The following MYO18B variants were observed in gnomAD, a reference collection of about 807,000 sequenced individuals.
MYO18B encodes unconventional myosin-XVIIIb.
A neutral mutation model predicts 273.0 loss-of-function variants in MYO18B; 204 were observed. The ratio of observed to expected loss-of-function variants is 0.75; its 90% CI spans 0.67 to 0.84. MYO18B has a LOEUF of 0.84. Among genes scored for constraint, MYO18B ranks in the 40% least tolerant of loss-of-function variants. The probability of loss-of-function intolerance (pLI) is 0.00; values close to 1 mark genes in which losing one functional copy is unlikely to be tolerated. For synonymous variants in MYO18B, 1,330 were observed against 1,305.7 expected, an observed-to-expected ratio of 1.02 and a Z score of -0.40; for missense variants, 3,212 against 3,287.6, an observed-to-expected ratio of 0.98 and a Z score of 0.56.
rs147205516 is a variant in MYO18B, at chr22:25,983,917, T to A, written c.6157-8446T>A. The stretch of plus-strand genomic sequence containing the variant: ...CAGTGCCTTCCTGCTGTTGCTAATC[T>A]CTCCTGGCTTTCCCAAAGCATTCTG... On this transcript the variant is annotated intron_variant, in intron 39 of 43. Transcript: ENST00000335473. Among the ~76,000 whole-genome samples, 562 of 152,272 alleles carry A rather than the reference T, an allele frequency of 3.7e-3. 2 individuals are homozygous for A. The highest frequency in any genetic ancestry group is 0.013 in the African/African-American group (532 of 41,558).
At chr22:25,865,053 C>T (rs766575820) in intron 21 of MYO18B, among the ~76,000 whole-genome samples, 3 of 152,162 alleles carry the variant, frequency 2.0e-5, no homozygotes, top group South Asian at 2.1e-4. Flanking sequence ...ATGACAGTTT[C>T]GTATGGTTCA....
intron 3 of MYO18B, among the ~76,000 whole-genome samples, chr22:25,767,647 C>A (rs547323698): frequency 2.6e-5 from 4 of 152,294 alleles, no homozygotes; most frequent in African/African-American, 9.6e-5. Flanking sequence ...ATCCCCTACT[C>A]GCCTAGGAAA....
rs552985450 is a variant in MYO18B, at chr22:26,023,245, T to G, written c.6471-3200T>G. Among the ~76,000 whole-genome samples the G allele has an allele frequency of 9.2e-5, 14 of 152,332 alleles. 1 individual carries two copies. In the South Asian group the frequency reaches 2.9e-3, roughly 32 times the overall value. On this transcript the variant is annotated intron_variant, in intron 42 of 43. Transcript: ENST00000335473. ...TCCTTCTCTTCTTCCCACATTTCTT[T>G]GTCCTCCCTCCACTTTTCTTATCCT...
chr22:25,803,085 C>T (rs866745840), intron 12 of MYO18B, among the ~76,000 whole-genome samples: 7 of 151,934 alleles, frequency 4.6e-5, no homozygotes, highest in Non-Finnish European at 8.8e-5. Flanking sequence ...CCTCAGCCTC[C>T]CGAGTAGCTG....
At chr22:25,839,294 T>G (rs957791662) in intron 17 of MYO18B, among the ~76,000 whole-genome samples, 1 of 152,144 alleles carries the variant, frequency 6.6e-6, no homozygotes, top group African/African-American at 2.4e-5. Flanking sequence ...ATATATATTT[T>G]CATGGAGGAA....
At chr22:26,038,696 C>CAA in the MYO18B span, among the ~76,000 whole-genome samples, 1 of 152,220 alleles carries the variant, frequency 6.6e-6, no homozygotes, top group African/African-American at 2.4e-5. Flanking sequence ...ACGAAATTTT[C>CAA]CTATGTGGTC....
At chr22:25,743,612 AGGAGGAAGAGGAGGAGGAGAG>A (rs1203690981) in intron 1 of MYO18B, among the ~76,000 whole-genome samples, 1 of 152,134 alleles carries the variant, frequency 6.6e-6, no homozygotes, top group Admixed American at 6.5e-5. Context: ...AGGGAGGAGA[AGGAGGAAGAGGAGGAGGAGAG>A]GGAGTCTCCT....
intron 1 of MYO18B, among the ~76,000 whole-genome samples, chr22:25,755,862 T>C (rs973259320): frequency 2.6e-5 from 4 of 152,256 alleles, no homozygotes; most frequent in South Asian, 2.1e-4. Flanking sequence ...GTGCTTCTTG[T>C]ACAGCCTGCA....
intron 33 of MYO18B, 47 bp downstream of exon 33, chr22:25,911,097 C>G: frequency 7.1e-7 from 1 of 1,402,352 alleles, no homozygotes; most frequent in Non-Finnish European, 9.9e-7. Context: ...TCTCAGGGAC[C>G]TATTTGAGAG....
chr22:25,983,978 A>T (rs2093174922), intron 39 of MYO18B, among the ~76,000 whole-genome samples: 1 of 152,150 alleles, frequency 6.6e-6, no homozygotes, highest in Non-Finnish European at 1.5e-5. Flanking sequence ...CAAGTAATAG[A>T]TTCTTAGACA....
intron 34 of MYO18B, among the ~76,000 whole-genome samples, chr22:25,931,784 G>T (rs2092506734): frequency 6.8e-6 from 1 of 146,942 alleles, no homozygotes; most frequent in South Asian, 2.2e-4. Flanking sequence ...TCAGGCTCAA[G>T]CAATCCTCCC....
intron 39 of MYO18B, among the ~76,000 whole-genome samples, chr22:25,978,758 A>G (rs2093119905): frequency 6.6e-6 from 1 of 152,202 alleles, no homozygotes; most frequent in Admixed American, 6.5e-5. Flanking sequence ...GTTCGAGACC[A>G]GCCCTGCCAA....
At chr22:25,903,964 C>A in intron 31 of MYO18B, 133 bp downstream of exon 31, 1 of 948,536 alleles carries the variant, frequency 1.1e-6, no homozygotes, top group Non-Finnish European at 1.6e-6. Context: ...CCCAGGGAAC[C>A]TTTAAGCTCC....
intron 43 of MYO18B, chr22:26,028,486 G>A (rs990931331): frequency 6.6e-6 from 1 of 152,120 alleles, no homozygotes; most frequent in African/African-American, 2.4e-5. Flanking sequence ...CTAGGTTCAG[G>A]GGGGAGGGAA....
chr22:25,973,734 G>A (rs1400200645), intron 39 of MYO18B, among the ~76,000 whole-genome samples: 2 of 152,176 alleles, frequency 1.3e-5, no homozygotes, highest in African/African-American at 4.8e-5. Context: ...ATCCTTTTGT[G>A]CATAATCCAA....
At chr22:26,002,647 A>T (rs1601807830) in intron 40 of MYO18B, among the ~76,000 whole-genome samples, 1 of 152,312 alleles carries the variant, frequency 6.6e-6, no homozygotes, top group South Asian at 2.1e-4. Flanking sequence ...GAACAATTGC[A>T]TGCTGATTAG....
intron 34 of MYO18B, among the ~76,000 whole-genome samples, chr22:25,934,969 C>T (rs1341172791): frequency 1.3e-5 from 2 of 152,114 alleles, no homozygotes; most frequent in Non-Finnish European, 2.9e-5. Flanking sequence ...TTTCCAGGCT[C>T]GTGTGGGTGT....
At chr22:25,910,779 G>A (rs552314071) in intron 32 of MYO18B, among the ~76,000 whole-genome samples, 167 bp from the exon 33 acceptor site, 2 of 152,080 alleles carry the variant, frequency 1.3e-5, no homozygotes, top group African/African-American at 4.8e-5. Flanking sequence ...AAGCTTTTAG[G>A]CTCTTAAATT....
intron 1 of MYO18B, among the ~76,000 whole-genome samples, chr22:25,747,894 G>T (rs2146528039): frequency 6.6e-6 from 1 of 152,276 alleles, no homozygotes; most frequent in East Asian, 1.9e-4. Flanking sequence ...ACAGACAGAG[G>T]AGTTGGTGAC....
Sources: allele counts gnomAD v4.1 joint callset (sites outside exome capture counted in the v4.1 genomes callset), GRCh38; gene constraint gnomAD v4.1.1; transcripts MANE v1.5; gene names NCBI Gene and HGNC (gene_info 2026-07-23, HGNC 2026-07-21).